Variants in SMURF1 observed in about 807,000 individuals in gnomAD.
The protein encoded by SMURF1 is E3 ubiquitin-protein ligase SMURF1.
A neutral mutation model predicts 98.0 loss-of-function variants in SMURF1; 44 were observed. That is an observed-to-expected ratio of 0.45 (90% CI 0.35 to 0.58). The LOEUF (loss-of-function observed/expected upper bound fraction) is 0.58. SMURF1 is among the 20% of genes least tolerant of loss of function. The pLI, the probability that SMURF1 is intolerant of heterozygous loss-of-function variation, is 0.00. For missense variants in SMURF1, 687 were observed against 938.4 expected, an observed-to-expected ratio of 0.73 and a Z score of 3.50; for synonymous variants, 396 against 374.9, an observed-to-expected ratio of 1.06 and a Z score of -0.65.
At position 99,061,858 on chromosome 7, in the gene SMURF1, C is replaced by G. The variant is rs56350018; in HGVS notation, c.56-21G>C. The G allele has an allele frequency of 4.7e-4, 740 of 1,587,684 alleles. 1 individual carries two copies. In the African/African-American group the frequency reaches 9.1e-3, roughly 20 times the overall value. ...TAACACTAAAAACAAAGAAAAATTA[C>G]TCAGGTTAGCATTAAAGACGAGATT... On this transcript the variant is annotated intron_variant, in intron 1 of 17. Transcript: ENST00000361368.
In SMURF1 at chr7:99,116,069, T is replaced by C. The variant is rs527794680; in HGVS notation, c.55+27657A>G. Among the ~76,000 whole-genome samples the C allele has an allele frequency of 1.2e-4, 19 of 152,254 alleles. No individual in the cohort carries two copies. In the South Asian group the frequency reaches 2.9e-3, roughly 23 times the overall value. ...ATATGCACAAATTTAACATAGAGCA[T>C]ATTAAAAGGATTATACACCATGATC... On this transcript the variant is annotated intron_variant, in intron 1 of 17. Transcript: ENST00000361368.
chr7:99,085,643 C>T (rs1043329691), intron 1 of SMURF1, among the ~76,000 whole-genome samples: 2 of 152,176 alleles, frequency 1.3e-5, no homozygotes, highest in Non-Finnish European at 2.9e-5. Flanking sequence ...AGGGTTCACT[C>T]GTGGTGCAGT....
rs1797779148 is a variant in SMURF1, at chr7:99,127,836, T to C, written c.55+15890A>G. ...TAACTGTGACAAAATCATATCCTTT[T>C]GTCAAGTCTTGCTGAGAGATCGTGG... On this transcript the variant is annotated intron_variant, in intron 1 of 17. Coordinates refer to ENST00000361368, the MANE Select transcript of SMURF1 (RefSeq NM_181349.3). 2.0e-5 allele frequency among the ~76,000 whole-genome samples: 3 copies of C among 152,300 alleles called. 1 individual carries two copies. Among genetic ancestry groups the C allele is most frequent in the Admixed American group, 2.0e-4 (3 of 15,288 alleles).
chr7:99,032,092 A>T (rs1794916192), intron 17 of SMURF1, among the ~76,000 whole-genome samples: 1 of 152,208 alleles, frequency 6.6e-6, no homozygotes, highest in East Asian at 1.9e-4. Context: ...AGCCCAATAC[A>T]TCCAAACTAA....
intron 1 of SMURF1, among the ~76,000 whole-genome samples, chr7:99,114,689 C>T (rs1327559512): frequency 6.6e-6 from 1 of 152,158 alleles, no homozygotes; most frequent in Non-Finnish European, 1.5e-5. Flanking sequence ...GTTTACCCAA[C>T]AGTAGCAGAA....
intron 6 of SMURF1, among the ~76,000 whole-genome samples, chr7:99,053,676 G>A (rs138078659): frequency 1.2e-4 from 18 of 152,280 alleles, no homozygotes; most frequent in Admixed American, 6.5e-5. Flanking sequence ...CCTTGGGGCC[G>A]TGAGACACAT....
intron 17 of SMURF1, 170 bp downstream of exon 17, chr7:99,032,867 A>T (rs1433487895): frequency 4.4e-6 from 4 of 909,534 alleles, no homozygotes; most frequent in Middle Eastern, 3.6e-4. Context: ...TTGTCATTCA[A>T]CTCTAGAATT....
chr7:99,096,308 A>G (rs1369500483), intron 1 of SMURF1, among the ~76,000 whole-genome samples: 1 of 152,236 alleles, frequency 6.6e-6, no homozygotes, highest in South Asian at 2.1e-4. Context: ...AACAGAACAC[A>G]TGCCCTGAGC....
At chr7:99,060,513 T>A in intron 3 of SMURF1, 86 bp downstream of exon 3, 1 of 803,676 alleles carries the variant, frequency 1.2e-6, no homozygotes, top group Admixed American at 3.2e-5. Context: ...CATCCTTTTT[T>A]TTTTTTTCTC....
At chr7:99,090,642 C>G (rs548300071) in intron 1 of SMURF1, among the ~76,000 whole-genome samples, 33 of 152,190 alleles carry the variant, frequency 2.2e-4, no homozygotes, top group Non-Finnish European at 4.0e-4. Flanking sequence ...AATGTTCAAT[C>G]TGTAATAGAA....
chr7:99,078,281 GAAA>G (rs758770830), intron 1 of SMURF1, among the ~76,000 whole-genome samples: 6 of 106,414 alleles, frequency 5.6e-5, no homozygotes, highest in Non-Finnish European at 6.0e-5. Context: ...CAGCCTGGGC[GAAA>G]AAAAAAAAAA....
At chr7:99,106,327 A>C (rs769244641) in intron 1 of SMURF1, among the ~76,000 whole-genome samples, 2 of 152,246 alleles carry the variant, frequency 1.3e-5, no homozygotes, top group African/African-American at 2.4e-5. Flanking sequence ...CCCTATCATG[A>C]AACTACTATA....
intron 1 of SMURF1, among the ~76,000 whole-genome samples, chr7:99,069,392 T>C (rs1796271005): frequency 6.6e-6 from 1 of 152,224 alleles, no homozygotes; most frequent in Admixed American, 6.5e-5. Context: ...AGCGTTTCGC[T>C]CTGTCACCCA....
At chr7:99,089,680 C>A (rs970229850) in intron 1 of SMURF1, among the ~76,000 whole-genome samples, 14 of 151,568 alleles carry the variant, frequency 9.2e-5, no homozygotes, top group African/African-American at 3.2e-4. Context: ...AACAATACAA[C>A]GGGTTAGTGG....
Position 99,035,520 on chromosome 7 carries a change from A to AAAGCCTTG in SMURF1, c.1998_2005dup (p.Leu669SerfsTer20). 1.2e-6 allele frequency: 2 copies of AAAGCCTTG among 1,614,188 alleles called. No individual in the cohort carries two copies. The highest frequency in any genetic ancestry group is 1.7e-6 in the Non-Finnish European group (2 of 1,180,042). On this transcript the variant is annotated frameshift_variant, in exon 16 of 18. Transcript: ENST00000361368. LOFTEE classifies it high-confidence loss of function. ...CCTGCCTCCACGTCAGTCACCTTGC[A>AAAGCCTTG]AAGCCTTGAAGCCTTGGAGCGGGAC... is the stretch of plus-strand genomic sequence containing the variant.
intron 1 of SMURF1, among the ~76,000 whole-genome samples, chr7:99,064,449 T>C (rs1300221645): frequency 6.6e-6 from 1 of 152,256 alleles, no homozygotes; most frequent in Non-Finnish European, 1.5e-5. Context: ...TCCAATCTCT[T>C]TACTTTTTAT....
intron 1 of SMURF1, among the ~76,000 whole-genome samples, chr7:99,062,256 C>T (rs1157744003): frequency 6.6e-6 from 1 of 152,034 alleles, no homozygotes; most frequent in African/African-American, 2.4e-5. Context: ...CGCCACCATG[C>T]CTGGCTAAAT....
chr7:99,044,794 G>T (rs10263217), intron 11 of SMURF1, among the ~76,000 whole-genome samples: 1 of 151,934 alleles, frequency 6.6e-6, no homozygotes, highest in African/African-American at 2.4e-5. Flanking sequence ...CATTAAATCC[G>T]GAAATAACAA....
At chr7:99,119,340 G>A (rs1797541055) in intron 1 of SMURF1, among the ~76,000 whole-genome samples, 1 of 151,920 alleles carries the variant, frequency 6.6e-6, no homozygotes, top group Non-Finnish European at 1.5e-5. Flanking sequence ...ATATTACACT[G>A]TGTATATATC....
Sources: gnomAD v4.1 joint callset for allele counts (sites outside exome capture counted in the v4.1 genomes callset) on GRCh38, gnomAD v4.1.1 for gene constraint, MANE v1.5 for transcripts, NCBI Gene and HGNC (gene_info 2026-07-23, HGNC 2026-07-21) for gene names.